The following PDCD6 variants were observed in gnomAD, a reference collection of about 807,000 sequenced individuals.
PDCD6 encodes the protein programmed cell death protein 6.
In PDCD6, 12 loss-of-function variants were observed where a neutral mutation model predicts 28.3. That is an observed-to-expected ratio of 0.42 (90% CI 0.27 to 0.69). PDCD6 has a LOEUF of 0.69. PDCD6 is among the 30% of genes least tolerant of loss of function. The pLI is 0.22. For synonymous variants in PDCD6, 92 were observed against 108.0 expected (o/e 0.85, Z 0.92); for missense variants, 226 against 269.9 (o/e 0.84, Z 1.14).
At chr5:290,272 C>T in intron 2 of PDCD6, 1 of 1,481,000 alleles carries the variant, frequency 6.8e-7, no homozygotes, top group African/African-American at 1.4e-5. Context: ...CTTCCTTTTT[C>T]CCCTCTTCTC....
rs546918117 is a variant in PDCD6 at position 305,323 on chromosome 5, C to T, written c.208+1102C>T. 1 of 152,242 alleles carries T rather than the reference C, an allele frequency of 6.6e-6. No individual in the cohort carries two copies. The highest frequency in any genetic ancestry group is 1.5e-5 in the Non-Finnish European group (1 of 68,100). The allele number at this position is 152,242 out of a possible 1,614,324, so 9.4% of individuals were successfully genotyped here. On this transcript the variant is annotated intron_variant, in intron 3 of 5. Transcript: ENST00000264933. The surrounding 1 kb of genome is among the most constrained non-coding windows in gnomAD (Gnocchi z 4.0). ...CTCCCATCCATGCACGTGTTTTAGT[C>T]TTGTGAGGATTCCCTGAGTTCCTTG...
intron 2 of PDCD6, among the ~76,000 whole-genome samples, chr5:295,651 T>G (rs1310627079): frequency 2.0e-5 from 3 of 146,678 alleles, no homozygotes; most frequent in African/African-American, 7.3e-5. Flanking sequence ...GAGCCTTTTT[T>G]TTCTTGTCCA....
intron 3 of PDCD6, 176 bp from the exon 4 acceptor site, chr5:306,426 T>G: frequency 1.6e-6 from 1 of 619,496 alleles, no homozygotes; most frequent in Non-Finnish European, 2.9e-6. Context: ...AGGGCGAAGG[T>G]GACAAGACTT....
chr5:310,326 G>A (rs1740825525), intron 4 of PDCD6: 1 of 154,168 alleles, frequency 6.5e-6, no homozygotes, highest in African/African-American at 2.4e-5. Context: ...GGAAGGCACT[G>A]TGTTCATGTT....
In PDCD6 at chr5:314,728, G is replaced by A. The variant is rs1741159154; in HGVS notation, c.*213G>A. The A allele has an allele frequency of 4.6e-6, 3 of 650,524 alleles. No homozygotes were observed. Among genetic ancestry groups the A allele is most frequent in the Non-Finnish European group, 5.7e-6 (2 of 352,058 alleles). The allele number at this position is 650,524 out of a possible 1,614,324, so 40.3% of individuals were successfully genotyped here. ...CGTTCTAATGCAGACATTGGATTTG[G>A]TGACTGTCTCATTGTGCCATGAGGT... On this transcript the variant is annotated 3_prime_UTR_variant, in exon 6 of 6. Transcript: ENST00000264933.
rs1390799058 is a variant in PDCD6 at position 307,720 on chromosome 5, A to T, written c.367+960A>T. On this transcript the variant is annotated intron_variant, in intron 4 of 5. Coordinates refer to ENST00000264933, the MANE Select transcript of PDCD6 (RefSeq NM_013232.4). This position sits in a 1 kb window ranked among gnomAD's most constrained non-coding sequence, Gnocchi z 6.1. Reference sequence around the variant, plus strand: ...TTTGCTTAAAAGGCTCCTTAGAAACAGTGAGGAAAATTCGATTCTACTTGA... The same window carrying T: ...TTTGCTTAAAAGGCTCCTTAGAAACTGTGAGGAAAATTCGATTCTACTTGA... Among the ~76,000 whole-genome samples the T allele has an allele frequency of 6.6e-6, 1 of 152,072 alleles. No individual in the cohort carries two copies. The highest frequency in any genetic ancestry group is 6.6e-5 in the Admixed American group (1 of 15,264).
chr5:291,134 T>A (rs1739288672), intron 2 of PDCD6, among the ~76,000 whole-genome samples: 1 of 152,142 alleles, frequency 6.6e-6, no homozygotes, highest in African/African-American at 2.4e-5. Flanking sequence ...GTTCCTGCTT[T>A]AGTCTTTATT....
intron 2 of PDCD6, among the ~76,000 whole-genome samples, chr5:285,357 G>C (rs1018945736): frequency 1.4e-4 from 21 of 151,678 alleles, no homozygotes; most frequent in Non-Finnish European, 2.5e-4. Flanking sequence ...CAGTTTGAGG[G>C]CTGTGCGCCT....
At chr5:290,956 A>G (rs1476021606) in intron 2 of PDCD6, among the ~76,000 whole-genome samples, 1 of 152,238 alleles carries the variant, frequency 6.6e-6, no homozygotes, top group African/African-American at 2.4e-5. Context: ...TTGAATAGAA[A>G]TAAAGCATTT....
At chr5:306,148 C>T (rs1487793480) in intron 3 of PDCD6, 2 of 183,412 alleles carry the variant, frequency 1.1e-5, no homozygotes, top group Admixed American at 5.3e-5. Flanking sequence ...AAGACTCCAC[C>T]AGTGCTGTGG....
chr5:278,186 G>T (rs1738326414), intron 2 of PDCD6, among the ~76,000 whole-genome samples: 3 of 152,028 alleles, frequency 2.0e-5, no homozygotes, highest in African/African-American at 7.3e-5. Context: ...TTCTGTTGGT[G>T]GGTGAGTTCC....
intron 2 of PDCD6, among the ~76,000 whole-genome samples, chr5:302,395 C>CTGCTG: frequency 1.3e-5 from 1 of 76,212 alleles, no homozygotes; most frequent in African/African-American, 1.2e-4. Flanking sequence ...GAGTGCTGCT[C>CTGCTG]TGTGTGTATG....
intron 5 of PDCD6, 106 bp downstream of exon 5, chr5:311,508 A>C (rs1740914907): frequency 1.4e-6 from 1 of 724,014 alleles, no homozygotes; most frequent in Non-Finnish European, 2.4e-6. Flanking sequence ...GTGTAGAATT[A>C]GTTTTTGGAG....
intron 2 of PDCD6, among the ~76,000 whole-genome samples, chr5:299,905 A>G (rs1396995019): frequency 6.6e-6 from 1 of 151,800 alleles, no homozygotes; most frequent in Non-Finnish European, 1.5e-5. Flanking sequence ...TGGAGATCAC[A>G]TATTAAAGAG....
chr5:278,710 C>T (rs1738361845), intron 2 of PDCD6, among the ~76,000 whole-genome samples: 1 of 149,788 alleles, frequency 6.7e-6, no homozygotes, highest in Non-Finnish European at 1.5e-5. Context: ...CAGACCCTGT[C>T]TCAAATAAAA....
In PDCD6 at chr5:271,688, C is replaced by T. The variant is rs555839391; in HGVS notation, c.-33C>T. 4 of 1,308,596 alleles carry T rather than the reference C, an allele frequency of 3.1e-6. No homozygotes were observed. The highest frequency in any genetic ancestry group is 1.8e-4 in the Middle Eastern group (1 of 5,548). 81.1% of individuals were successfully genotyped at this position (1,308,596 alleles called of 1,614,324 possible). On this transcript the variant is annotated 5_prime_UTR_variant, in exon 1 of 6. Coordinates refer to ENST00000264933, the MANE Select transcript of PDCD6 (RefSeq NM_013232.4). ...CGGCCTGAGAGGTCTCTCGTCGCTG[C>T]AGGCGCCTCAGCCCAGCCGCGTGCC...
At position 306,759 on chromosome 5, in the gene PDCD6, C is replaced by G. The variant is rs562736743; in HGVS notation, c.366C>G (p.Phe122Leu). 6.2e-7 allele frequency: 1 copy of G among 1,613,404 alleles called. No homozygotes were observed. The highest frequency in any genetic ancestry group is 1.1e-5 in the South Asian group (1 of 91,068). Residue 122 changes from phenylalanine to leucine, a missense_variant and splice_region_variant, in exon 4 of 6, where the codon TTC (phenylalanine) becomes TTG (leucine). Phe to Leu is a conservative substitution (Grantham distance 22). Coordinates refer to ENST00000264933, the MANE Select transcript of PDCD6 (RefSeq NM_013232.4). ...AGCTGAAGCAGGCCCTCTCAGGTTT[C>G]GGTAACTCACTCACTCTGGCTTGTG... Reference protein sequence around the residue: ...KNELKQALSGFGYRLSDQFHD... With the variant: ...KNELKQALSGLGYRLSDQFHD...
intron 2 of PDCD6, among the ~76,000 whole-genome samples, chr5:292,328 A>G (rs1384175422): frequency 6.6e-6 from 1 of 152,184 alleles, no homozygotes; most frequent in African/African-American, 2.4e-5. Flanking sequence ...GTGTGATCTC[A>G]GCTCACTGCA....
At chr5:294,443 A>G (rs1232975783) in intron 2 of PDCD6, among the ~76,000 whole-genome samples, 5 of 152,238 alleles carry the variant, frequency 3.3e-5, no homozygotes, top group Non-Finnish European at 7.3e-5. Flanking sequence ...ATATTGCCCG[A>G]GAAAGAGGCT....
Sources: gnomAD v4.1 joint callset for allele counts (sites outside exome capture counted in the v4.1 genomes callset) on GRCh38, gnomAD v4.1.1 for gene constraint, Gnocchi (gnomAD v3.1) non-coding constraint, MANE v1.5 for transcripts, NCBI Gene and HGNC (gene_info 2026-07-23, HGNC 2026-07-21) for gene names.